GRHL2: variants seen among roughly 807,000 people sequenced by gnomAD.
GRHL2 encodes grainyhead-like protein 2 homolog.
GRHL2 carries 21 observed loss-of-function variants against 83.8 expected under a neutral mutation model. The ratio of observed to expected loss-of-function variants is 0.25; its 90% CI spans 0.18 to 0.36. The LOEUF (loss-of-function observed/expected upper bound fraction) is 0.36. Among genes scored for constraint, GRHL2 ranks in the 10% least tolerant of loss-of-function variants. GRHL2 has a pLI of 1.00. For missense variants in GRHL2, 623 were observed against 781.8 expected, an observed-to-expected ratio of 0.80 and a Z score of 2.42; for synonymous variants, 280 against 278.9, an observed-to-expected ratio of 1.00 and a Z score of -0.04.
chr8:101,595,546 T>C (rs1812374757), intron 7 of GRHL2, among the ~76,000 whole-genome samples: 1 of 152,250 alleles, frequency 6.6e-6, no homozygotes, highest in African/African-American at 2.4e-5. Context: ...AATCAAGGAC[T>C]TCAGTTGATC....
At chr8:101,556,817 C>G (rs1811496317) in intron 3 of GRHL2, among the ~76,000 whole-genome samples, 1 of 152,122 alleles carries the variant, frequency 6.6e-6, no homozygotes, top group Admixed American at 6.5e-5. Context: ...AAATATCCTC[C>G]CCACTCCCTA....
At chr8:101,568,584 T>C (rs1811762322) in intron 4 of GRHL2, among the ~76,000 whole-genome samples, 1 of 151,958 alleles carries the variant, frequency 6.6e-6, no homozygotes, top group Non-Finnish European at 1.5e-5. Context: ...TTCTGTATTT[T>C]AGTTTTTTTT....
intron 7 of GRHL2, among the ~76,000 whole-genome samples, chr8:101,586,315 T>C (rs1347178332): frequency 6.6e-6 from 1 of 152,150 alleles, no homozygotes; most frequent in Non-Finnish European, 1.5e-5. Context: ...CTGTCTTTTA[T>C]TAATATTTTA....
intron 1 of GRHL2, among the ~76,000 whole-genome samples, chr8:101,508,339 G>A (rs1299931798): frequency 1.3e-5 from 2 of 148,944 alleles, no homozygotes; most frequent in African/African-American, 4.9e-5. Context: ...CAATTTGGTA[G>A]ATTAAAAATG....
chr8:101,573,765 A>G lies in GRHL2; in HGVS notation c.832A>G (p.Ile278Val), dbSNP rs764313654. 3 of 1,614,218 alleles carry G rather than the reference A, an allele frequency of 1.9e-6. No homozygotes were observed. Among genetic ancestry groups the G allele is most frequent in the Non-Finnish European group, 2.5e-6 (3 of 1,180,032 alleles). ...CCTCAACAAAGGACAGTTCTATGCC[A>G]TAACACTCAGCGAGACCGGAGACAA... ...TYLNKGQFYA[I>V]TLSETGDNKC... is the part of the protein sequence containing the mutation. The change falls in exon 6 of 16, where the codon ATA becomes GTA. Residue 278 changes from isoleucine to valine, a missense_variant. By Grantham distance (29) the Ile-to-Val change is conservative. Around this residue, in one of 8 missense-constraint regions of GRHL2, gnomAD observed 96 missense variants for 144.8 expected, o/e 0.66. Coordinates refer to ENST00000646743, the MANE Select transcript of GRHL2 (RefSeq NM_024915.4).
chr8:101,535,026 T>C (rs1021917482), intron 1 of GRHL2, among the ~76,000 whole-genome samples: 1 of 152,218 alleles, frequency 6.6e-6, no homozygotes, highest in Non-Finnish European at 1.5e-5. Context: ...TATCAGCTCT[T>C]TCACAAATGC....
intron 9 of GRHL2, among the ~76,000 whole-genome samples, chr8:101,624,091 AC>A (rs1813025481): frequency 6.6e-6 from 1 of 151,664 alleles, no homozygotes; most frequent in Non-Finnish European, 1.5e-5. Context: ...AGGACAGTAC[AC>A]AGTAGGACAG....
chr8:101,674,791 T>C, the GRHL2 span, among the ~76,000 whole-genome samples: 1 of 152,096 alleles, frequency 6.6e-6, no homozygotes, highest in African/African-American at 2.4e-5. Context: ...TTGATGAACA[T>C]TGATGCAAAA....
At chr8:101,572,946 G>A (rs567623807) in intron 5 of GRHL2, among the ~76,000 whole-genome samples, 3 of 152,186 alleles carry the variant, frequency 2.0e-5, no homozygotes, top group Non-Finnish European at 2.9e-5. Context: ...GCTGTAGTAC[G>A]AAAGCAGTCA....
intron 13 of GRHL2, 119 bp downstream of exon 13, chr8:101,644,344 T>G: frequency 1.3e-6 from 1 of 757,970 alleles, no homozygotes; most frequent in Admixed American, 2.0e-5. Flanking sequence ...TGACTTTCTC[T>G]TCACACAGGA....
chr8:101,581,011 A>G (rs1812042112), intron 7 of GRHL2, among the ~76,000 whole-genome samples: 1 of 152,192 alleles, frequency 6.6e-6, no homozygotes, highest in Non-Finnish European at 1.5e-5. Flanking sequence ...CCATTTTTTA[A>G]AAAACAATTA....
At chr8:101,513,297 T>A (rs1204041980) in intron 1 of GRHL2, among the ~76,000 whole-genome samples, 2 of 152,114 alleles carry the variant, frequency 1.3e-5, no homozygotes, top group African/African-American at 4.8e-5. Flanking sequence ...TTTCTCTTAG[T>A]TTCTCATCTA....
chr8:101,511,148 T>A (rs1185377431), intron 1 of GRHL2, among the ~76,000 whole-genome samples: 1 of 152,114 alleles, frequency 6.6e-6, no homozygotes, highest in Non-Finnish European at 1.5e-5. Context: ...ACAAAAATAA[T>A]TTTATACATG....
intron 8 of GRHL2, among the ~76,000 whole-genome samples, chr8:101,610,855 A>G (rs1026873870): frequency 6.6e-6 from 1 of 150,964 alleles, no homozygotes; most frequent in African/African-American, 2.5e-5. Flanking sequence ...GGTTGGTGGA[A>G]GGAAAAGCAA....
At chr8:101,563,715 T>G (rs2130194117) in intron 4 of GRHL2, among the ~76,000 whole-genome samples, 1 of 151,616 alleles carries the variant, frequency 6.6e-6, no homozygotes, top group East Asian at 1.9e-4. Flanking sequence ...ACTTATTTTT[T>G]TTTTGTTTTT....
At chr8:101,604,228 A>G (rs1476824723) in intron 8 of GRHL2, among the ~76,000 whole-genome samples, 1 of 151,960 alleles carries the variant, frequency 6.6e-6, no homozygotes, top group Non-Finnish European at 1.5e-5. Context: ...TAAGAAGTAG[A>G]TTTGTTGGTC....
intron 4 of GRHL2, among the ~76,000 whole-genome samples, chr8:101,563,471 A>G (rs998732641): frequency 1.4e-4 from 21 of 152,078 alleles, no homozygotes; most frequent in Non-Finnish European, 2.8e-4. Context: ...TAGAAGTTGC[A>G]CTAGCAGCCC....
At chr8:101,506,577 A>G (rs1275926471) in intron 1 of GRHL2, among the ~76,000 whole-genome samples, 1 of 152,110 alleles carries the variant, frequency 6.6e-6, no homozygotes, top group African/African-American at 2.4e-5. Context: ...CCTATTTTTA[A>G]TATTTATGTT....
intron 1 of GRHL2, among the ~76,000 whole-genome samples, chr8:101,495,821 A>C (rs1485740837): frequency 6.6e-6 from 1 of 152,174 alleles, no homozygotes. Flanking sequence ...TAATAGTCAC[A>C]AAAAATACAA....
Sources: allele counts gnomAD v4.1 joint callset (sites outside exome capture counted in the v4.1 genomes callset), GRCh38; gene constraint gnomAD v4.1.1; regional missense constraint gnomAD v4.1.1; transcripts MANE v1.5; gene names NCBI Gene and HGNC (gene_info 2026-07-23, HGNC 2026-07-21).